The following SGMS1 variants were observed in gnomAD, a reference collection of about 807,000 sequenced individuals.
SGMS1 encodes the protein sphingomyelin synthase 1.
In SGMS1, 13 loss-of-function variants were observed where a neutral mutation model predicts 46.2. The ratio of observed to expected loss-of-function variants is 0.28; its 90% CI spans 0.18 to 0.45. SGMS1 has a LOEUF of 0.45. Ranked by LOEUF, SGMS1 falls within the 20% of genes least tolerant of loss-of-function variation. The probability of loss-of-function intolerance (pLI) is 1.00; values close to 1 mark genes in which losing one functional copy is unlikely to be tolerated. For synonymous variants in SGMS1, 203 were observed against 187.8 expected (o/e 1.08, Z -0.66); for missense variants, 324 against 519.9 (o/e 0.62, Z 3.66).
upstream of SGMS1, among the ~76,000 whole-genome samples, chr10:50,624,407 A>G (rs555698803): frequency 5.9e-5 from 9 of 152,082 alleles, no homozygotes; most frequent in South Asian, 2.1e-4. Flanking sequence ...TTAATGCCCA[A>G]TGGATCATTC....
intron 3 of SGMS1, among the ~76,000 whole-genome samples, chr10:50,515,911 C>A (rs1837798326): frequency 6.6e-6 from 1 of 152,186 alleles, no homozygotes; most frequent in Admixed American, 6.5e-5. Context: ...CAGGCAATTC[C>A]TCAAAGAATC....
intron 6 of SGMS1, among the ~76,000 whole-genome samples, chr10:50,402,824 G>A (rs548877193): frequency 2.6e-5 from 4 of 151,800 alleles, no homozygotes; most frequent in Non-Finnish European, 5.9e-5. Context: ...GGATATTAGC[G>A]TACCTGTCAC....
At chr10:50,458,025 G>A (rs1472880780) in intron 5 of SGMS1, among the ~76,000 whole-genome samples, 1 of 152,206 alleles carries the variant, frequency 6.6e-6, no homozygotes, top group Non-Finnish European at 1.5e-5. Context: ...GAAATGGCAT[G>A]CAGCCCAAGC....
chr10:50,595,208 C>T (rs1030694374), intron 1 of SGMS1, among the ~76,000 whole-genome samples: 3 of 152,006 alleles, frequency 2.0e-5, no homozygotes, highest in Non-Finnish European at 4.4e-5. Context: ...TGGAGTCCCG[C>T]TCTGTTGCCC....
chr10:50,321,788 A>G (rs550045644), intron 8 of SGMS1, among the ~76,000 whole-genome samples: 2 of 152,342 alleles, frequency 1.3e-5, no homozygotes, highest in South Asian at 4.1e-4. Context: ...GAATACTCTA[A>G]CTGCTACTCA....
At chr10:50,501,908 A>G (rs1837664933) in intron 3 of SGMS1, among the ~76,000 whole-genome samples, 1 of 152,240 alleles carries the variant, frequency 6.6e-6, no homozygotes, top group South Asian at 2.1e-4. Context: ...ATGGGTATTC[A>G]GCCAAACTGC....
chr10:50,403,929 G>T (rs1375943558), intron 6 of SGMS1, among the ~76,000 whole-genome samples: 1 of 151,528 alleles, frequency 6.6e-6, no homozygotes, highest in Non-Finnish European at 1.5e-5. Flanking sequence ...CTTTGTAAAA[G>T]AACATGTTTA....
At chr10:50,394,546 AC>A (rs1417335948) in intron 6 of SGMS1, among the ~76,000 whole-genome samples, 1 of 152,248 alleles carries the variant, frequency 6.6e-6, no homozygotes, top group African/African-American at 2.4e-5. Flanking sequence ...TGTTGATTTT[AC>A]AATGTGTGGT....
chr10:50,379,376 C>T lies in SGMS1; in HGVS notation c.-231-35031G>A, dbSNP rs567768833. Among the ~76,000 whole-genome samples the T allele has an allele frequency of 9.2e-5, 14 of 151,924 alleles. No homozygotes were observed. The South Asian group carries it at 1.5e-3, about 16-fold the overall frequency. On this transcript the variant is annotated intron_variant, in intron 6 of 10. Transcript: ENST00000361781. ...TCTGTACATACCAACATATCTGTGA[C>T]GTAGAAATACATATTAATTGAAAAA... is the stretch of plus-strand genomic sequence containing the variant.
At chr10:50,597,839 C>G (rs1838609904) in intron 1 of SGMS1, among the ~76,000 whole-genome samples, 1 of 151,880 alleles carries the variant, frequency 6.6e-6, no homozygotes, top group South Asian at 2.1e-4. Flanking sequence ...CTGGAGAAAC[C>G]CTGTGTCTAT....
intron 6 of SGMS1, among the ~76,000 whole-genome samples, chr10:50,382,593 A>AC (rs1554931785): frequency 2.0e-5 from 3 of 148,438 alleles, no homozygotes; most frequent in Admixed American, 6.7e-5. Context: ...ACACACACAC[A>AC]ACTTCCCCAC....
chr10:50,359,352 TC>T (rs1848209176), intron 6 of SGMS1, among the ~76,000 whole-genome samples: 1 of 152,192 alleles, frequency 6.6e-6, no homozygotes. Context: ...ATTGATAGTT[TC>T]CCCCCTTTTC....
chr10:50,340,480 A>G (rs552822932), intron 7 of SGMS1: 1 of 152,366 alleles, frequency 6.6e-6, no homozygotes, highest in East Asian at 1.9e-4. Flanking sequence ...TGGGGAGACA[A>G]CATTATTTAC....
intron 7 of SGMS1, 167 bp downstream of exon 7, chr10:50,343,325 A>G: frequency 1.5e-6 from 1 of 688,262 alleles, no homozygotes; most frequent in Non-Finnish European, 2.2e-6. Context: ...TTTTCTTTTA[A>G]AGCTTCCAGA....
chr10:50,308,286 T>C (rs1847205516), intron 9 of SGMS1, 138 bp from the exon 10 acceptor site: 2 of 732,170 alleles, frequency 2.7e-6, no homozygotes, highest in Non-Finnish European at 4.3e-6. Flanking sequence ...ATCTAAGGGC[T>C]GTCATTTATC....
upstream of SGMS1, chr10:50,625,124 T>TGCCCAGAGGACAGGTTCTC (rs1162221442): frequency 1.1e-6 from 1 of 935,274 alleles, no homozygotes; most frequent in Non-Finnish European, 1.3e-6. Context: ...ACCCCTGGCT[T>TGCCCAGAGGACAGGTTCTC]GCCCAGAGGA....
intron 6 of SGMS1, among the ~76,000 whole-genome samples, chr10:50,370,936 T>C (rs1485066766): frequency 6.6e-6 from 1 of 152,134 alleles, no homozygotes; most frequent in Non-Finnish European, 1.5e-5. Flanking sequence ...TGCTTTATAG[T>C]TAACTTTTTA....
intron 2 of SGMS1, among the ~76,000 whole-genome samples, chr10:50,565,822 C>T (rs1210216132): frequency 6.6e-6 from 1 of 152,194 alleles, no homozygotes; most frequent in East Asian, 1.9e-4. Flanking sequence ...TTCCTCCATC[C>T]CCGGCACCCA....
chr10:50,610,303 A>G (rs1838737606), intron 1 of SGMS1, among the ~76,000 whole-genome samples: 1 of 152,142 alleles, frequency 6.6e-6, no homozygotes, highest in Non-Finnish European at 1.5e-5. Flanking sequence ...CCATGGCATA[A>G]TTTTCACTTT....
Sources: allele counts gnomAD v4.1 joint callset (sites outside exome capture counted in the v4.1 genomes callset), GRCh38; gene constraint gnomAD v4.1.1; transcripts MANE v1.5; gene names NCBI Gene and HGNC (gene_info 2026-07-23, HGNC 2026-07-21).